The following DOK6 variants were observed in gnomAD, a reference collection of about 807,000 sequenced individuals.
DOK6 encodes the protein downstream of tyrosine kinase 6.
Under a neutral mutation model 44.0 loss-of-function variants are expected in DOK6, and 22 were observed. The ratio of observed to expected loss-of-function variants is 0.50; its 90% CI spans 0.36 to 0.71. The LOEUF is 0.71. Among genes scored for constraint, DOK6 ranks in the 30% least tolerant of loss-of-function variants. The pLI is 0.00. For synonymous variants in DOK6, 166 were observed against 145.5 expected, an observed-to-expected ratio of 1.14 and a Z score of -1.01; for missense variants, 340 against 416.4, an observed-to-expected ratio of 0.82 and a Z score of 1.60.
At chr18:69,540,880 G>A (rs544235856) in intron 1 of DOK6, among the ~76,000 whole-genome samples, 32 of 151,880 alleles carry the variant, frequency 2.1e-4, no homozygotes, top group African/African-American at 7.7e-4. Flanking sequence ...TTTTGTAATT[G>A]CATTGGTTAA....
chr18:69,549,466 C>T (rs540510282), intron 1 of DOK6, among the ~76,000 whole-genome samples: 2 of 151,672 alleles, frequency 1.3e-5, no homozygotes, highest in South Asian at 4.2e-4. Context: ...TCCCTGCTCC[C>T]TCTACAAATT....
intron 3 of DOK6, among the ~76,000 whole-genome samples, chr18:69,645,244 T>C (rs530068057): frequency 2.6e-5 from 4 of 152,188 alleles, no homozygotes; most frequent in Non-Finnish European, 5.9e-5. Flanking sequence ...GGGCTTATGC[T>C]ACCCTGTGAG....
intron 5 of DOK6, among the ~76,000 whole-genome samples, chr18:69,711,204 T>C (rs1314904212): frequency 6.6e-6 from 1 of 152,358 alleles, no homozygotes; most frequent in Non-Finnish European, 1.5e-5. Context: ...GAGTCCATGA[T>C]ATGCTTTCCC....
intron 7 of DOK6, 75 bp from the exon 8 acceptor site, chr18:69,841,165 AATAG>A (rs1982205150): frequency 5.8e-6 from 9 of 1,549,396 alleles, no homozygotes; most frequent in Non-Finnish European, 8.0e-6. Flanking sequence ...ATAGATAGAT[AATAG>A]ATAGATGATA....
At chr18:69,617,715 G>GAA (rs1053360701) in intron 3 of DOK6, among the ~76,000 whole-genome samples, 2 of 89,200 alleles carry the variant, frequency 2.2e-5, no homozygotes, top group East Asian at 3.8e-4. Flanking sequence ...AGAAAAGAAA[G>GAA]AAAGAAAGAA....
intron 1 of DOK6, among the ~76,000 whole-genome samples, chr18:69,535,841 C>T (rs1982108342): frequency 6.6e-6 from 1 of 151,816 alleles, no homozygotes; most frequent in Admixed American, 6.6e-5. Flanking sequence ...AGATGTTATG[C>T]AAAAAATATC....
chr18:69,816,156 C>T (rs1038282449), intron 7 of DOK6, among the ~76,000 whole-genome samples: 1 of 152,120 alleles, frequency 6.6e-6, no homozygotes, highest in Non-Finnish European at 1.5e-5. Flanking sequence ...CTCATGACTC[C>T]ATTAGGAGGC....
chr18:69,659,573 T>C (rs1214100205), intron 3 of DOK6, among the ~76,000 whole-genome samples: 1 of 152,094 alleles, frequency 6.6e-6, no homozygotes, highest in East Asian at 1.9e-4. Context: ...ACTCGGGACA[T>C]GAGCAAACAG....
At chr18:69,640,957 A>G (rs1368045911) in intron 3 of DOK6, among the ~76,000 whole-genome samples, 2 of 152,156 alleles carry the variant, frequency 1.3e-5, no homozygotes, top group Non-Finnish European at 2.9e-5. Context: ...TCACGCCTGT[A>G]ATCCCAGCAC....
intron 2 of DOK6, among the ~76,000 whole-genome samples, chr18:69,575,051 C>T (rs1396395787): frequency 6.6e-6 from 1 of 151,988 alleles, no homozygotes; most frequent in Non-Finnish European, 1.5e-5. Flanking sequence ...GCCTAGGCTT[C>T]CCTACTGCAC....
intron 7 of DOK6, among the ~76,000 whole-genome samples, chr18:69,809,207 T>C (rs1981142287): frequency 6.6e-6 from 1 of 151,814 alleles, no homozygotes. Flanking sequence ...AAAAATTATA[T>C]AATCATCTCA....
intron 3 of DOK6, chr18:69,663,275 A>T (rs759402212): frequency 2.6e-5 from 4 of 152,172 alleles, no homozygotes; most frequent in Non-Finnish European, 5.9e-5. Context: ...AGATCTTCTA[A>T]AAAGGGATTA....
intron 7 of DOK6, among the ~76,000 whole-genome samples, chr18:69,779,689 C>CGTGT (rs58775349): frequency 0.029 from 4,298 of 146,836 alleles, 150 homozygotes; most frequent in African/African-American, 0.089. Flanking sequence ...CTCTCTGCCC[C>CGTGT]GTGTGTGTGT....
chr18:69,758,798 T>C (rs1438071579), intron 7 of DOK6, among the ~76,000 whole-genome samples: 1 of 152,228 alleles, frequency 6.6e-6, no homozygotes, highest in Non-Finnish European at 1.5e-5. Context: ...AGTTAGACAT[T>C]CAGACTGTGT....
At chr18:69,784,036 A>C (rs1047575280) in intron 7 of DOK6, among the ~76,000 whole-genome samples, 1 of 152,058 alleles carries the variant, frequency 6.6e-6, no homozygotes, top group Non-Finnish European at 1.5e-5. Flanking sequence ...AAATACAAAA[A>C]ATTAGCCAAG....
At chr18:69,587,506 T>C (rs1397335161) in intron 2 of DOK6, among the ~76,000 whole-genome samples, 1 of 152,088 alleles carries the variant, frequency 6.6e-6, no homozygotes, top group Non-Finnish European at 1.5e-5. Flanking sequence ...AAGACCCCTT[T>C]TCCAAATAAG....
intron 1 of DOK6, among the ~76,000 whole-genome samples, chr18:69,465,345 G>C (rs1050862699): frequency 2.7e-4 from 41 of 152,074 alleles, no homozygotes; most frequent in Non-Finnish European, 5.3e-4. Context: ...TAGGGTACAT[G>C]TGCACAATGT....
At chr18:69,434,954 G>GGGAGGGAAGGAAGGAA (rs1366849019) in intron 1 of DOK6, among the ~76,000 whole-genome samples, 3 of 62,924 alleles carry the variant, frequency 4.8e-5, no homozygotes, top group Non-Finnish European at 1.0e-4. Context: ...GAGGGAGGGA[G>GGGAGGGAAGGAAGGAA]GGAAGGAAGG....
rs1555674686 is a variant in DOK6 at position 69,847,771 on chromosome 18, A to ATATATAT, written c.*6388_*6389insTATATAT. On this transcript the variant is annotated 3_prime_UTR_variant, in exon 8 of 8. Transcript: ENST00000382713. ...ATAATGCTTACTCTTGTAAAAAAAAAAAATATATATATATGTATCAGCAGG... is the reference window on the plus strand; with the variant it reads ...ATAATGCTTACTCTTGTAAAAAAAAATATATATAAATATATATATATGTATCAGCAGG... 13 of 63,194 alleles carry ATATATAT rather than the reference A, an allele frequency of 2.1e-4. No homozygotes were observed. In the East Asian group the frequency reaches 4.3e-3, roughly 21 times the overall value. The allele number at this position is 63,194 out of a possible 1,614,324, so 3.9% of individuals were successfully genotyped here.
Sources: allele counts gnomAD v4.1 joint callset (sites outside exome capture counted in the v4.1 genomes callset), GRCh38; gene constraint gnomAD v4.1.1; transcripts MANE v1.5; gene names NCBI Gene and HGNC (gene_info 2026-07-23, HGNC 2026-07-21).